Variants in CCDC178 observed in about 807,000 individuals in gnomAD.
CCDC178 encodes the protein coiled-coil domain-containing protein 178.
In CCDC178, 126 loss-of-function variants were observed where a neutral mutation model predicts 117.4. The ratio of observed to expected loss-of-function variants is 1.07; its 90% CI spans 0.93 to 1.24. CCDC178 has a LOEUF of 1.24. Ranked by LOEUF, CCDC178 falls within the 50% of genes most tolerant of loss-of-function variation. CCDC178 has a pLI of 0.00. For missense variants in CCDC178, 1,030 were observed against 986.9 expected (o/e 1.04, Z -0.59); for synonymous variants, 283 against 313.4 (o/e 0.90, Z 1.02).
At chr18:32,980,312 G>A (rs987020072) in intron 21 of CCDC178, among the ~76,000 whole-genome samples, 1 of 151,806 alleles carries the variant, frequency 6.6e-6, no homozygotes, top group Admixed American at 6.6e-5. Flanking sequence ...GGCCGGGCGC[G>A]GTGGCTCACG....
At chr18:33,335,933 T>C (rs777892289) in intron 9 of CCDC178, among the ~76,000 whole-genome samples, 6 of 152,174 alleles carry the variant, frequency 3.9e-5, no homozygotes, top group South Asian at 2.1e-4. Flanking sequence ...TTATCTGAGA[T>C]AAATTTTTCG....
intron 21 of CCDC178, among the ~76,000 whole-genome samples, chr18:33,077,454 T>C (rs2057229613): frequency 6.6e-6 from 1 of 152,082 alleles, no homozygotes; most frequent in Non-Finnish European, 1.5e-5. Context: ...TGTTCCCTAA[T>C]CCAATATGAC....
chr18:33,238,549 G>A (rs1018296876), intron 15 of CCDC178, among the ~76,000 whole-genome samples: 1 of 152,006 alleles, frequency 6.6e-6, no homozygotes, highest in East Asian at 1.9e-4. Flanking sequence ...ACTAGTACAA[G>A]AAGAAGGCAG....
intron 21 of CCDC178, among the ~76,000 whole-genome samples, chr18:32,985,537 C>A (rs1410449140): frequency 6.6e-6 from 1 of 151,902 alleles, no homozygotes; most frequent in East Asian, 1.9e-4. Flanking sequence ...AATTTATAAA[C>A]TCATTTGCTG....
Position 33,225,636 on chromosome 18 carries a change from C to T in CCDC178, c.1657-700G>A, listed in dbSNP as rs997750316. On this transcript the variant is annotated intron_variant, in intron 16 of 22. Transcript: ENST00000383096. ...GTTAGAGAACACACTAATAACACATCGTGGAATATATGCAAGTACTGCAAT... is the reference window on the plus strand; with the variant it reads ...GTTAGAGAACACACTAATAACACATTGTGGAATATATGCAAGTACTGCAAT... Among the ~76,000 whole-genome samples, 6 of 152,220 alleles carry T rather than the reference C, an allele frequency of 3.9e-5. No homozygotes were observed. The East Asian group carries it at 9.7e-4, about 25-fold the overall frequency.
intron 20 of CCDC178, among the ~76,000 whole-genome samples, chr18:33,135,734 C>G (rs1182102840): frequency 1.3e-5 from 2 of 152,140 alleles, no homozygotes; most frequent in Non-Finnish European, 2.9e-5. Flanking sequence ...TTTTAAAAAT[C>G]TGCCTAATTT....
intron 14 of CCDC178, among the ~76,000 whole-genome samples, chr18:33,251,131 A>G (rs1231151637): frequency 6.6e-6 from 1 of 151,666 alleles, no homozygotes; most frequent in East Asian, 1.9e-4. Flanking sequence ...AAGTTTTGCT[A>G]CAAAAAAAAT....
At chr18:33,091,324 C>CTTATTTTTTTTTTTT (rs2057459677) in intron 21 of CCDC178, among the ~76,000 whole-genome samples, 1 of 43,882 alleles carries the variant, frequency 2.3e-5, no homozygotes, top group Non-Finnish European at 4.1e-5. Flanking sequence ...TTATTTCATT[C>CTTATTTTTTTTTTTT]TTTTTTTTTT....
chr18:33,117,872 T>C (rs1027900314), intron 20 of CCDC178, among the ~76,000 whole-genome samples: 20 of 152,182 alleles, frequency 1.3e-4, no homozygotes, highest in Admixed American at 1.0e-3. Context: ...AATTGGGGTA[T>C]TGTAGTTTTC....
intron 16 of CCDC178, among the ~76,000 whole-genome samples, chr18:33,225,398 G>A (rs185761120): frequency 7.2e-5 from 11 of 152,176 alleles, no homozygotes; most frequent in East Asian, 1.9e-4. Flanking sequence ...GACCTCAAGC[G>A]ATCCACCCGC....
In CCDC178 at chr18:32,988,115, TAATAAATTTATCAA is replaced by T. The variant is rs1429138150; in HGVS notation, c.2389-13448_2389-13435del. 3.5e-4 allele frequency among the ~76,000 whole-genome samples: 37 copies of T among 105,948 alleles called. No individual in the cohort carries two copies. In the Admixed American group the frequency reaches 3.7e-3, roughly 10 times the overall value. The allele number at this position is 105,948 out of a possible 152,430, so 69.5% of individuals were successfully genotyped here. A position where few individuals can be genotyped will look rare whatever the true frequency, so the allele number is the denominator to read the frequency against. On this transcript the variant is annotated intron_variant, in intron 21 of 22. Transcript: ENST00000383096. ...ATAATAATAATAATAATAATAATAA[TAATAAATTTATCAA>T]AATTAATCATAAAAAGTTGTTGGCT...
chr18:33,140,134 T>A (rs577109945), intron 20 of CCDC178, among the ~76,000 whole-genome samples: 1 of 152,270 alleles, frequency 6.6e-6, no homozygotes, highest in African/African-American at 2.4e-5. Context: ...TCTGCCTAGA[T>A]TTCAGAGGAT....
At chr18:33,153,418 A>T (rs1007010679) in intron 20 of CCDC178, among the ~76,000 whole-genome samples, 5 of 151,978 alleles carry the variant, frequency 3.3e-5, no homozygotes, top group Non-Finnish European at 7.4e-5. Context: ...CAACAAATAC[A>T]CAGGGAAAGA....
intron 11 of CCDC178, among the ~76,000 whole-genome samples, chr18:33,319,005 C>T (rs2062462093): frequency 6.6e-6 from 1 of 151,988 alleles, no homozygotes; most frequent in African/African-American, 2.4e-5. Context: ...GCTAAAGGAT[C>T]TACTTCAGCC....
At chr18:33,194,954 G>A (rs2058911140) in intron 20 of CCDC178, among the ~76,000 whole-genome samples, 2 of 142,190 alleles carry the variant, frequency 1.4e-5, no homozygotes, top group Non-Finnish European at 3.1e-5. Context: ...GACAGAGAGA[G>A]AGAGAGAGAG....
At chr18:33,180,340 A>AT (rs907134068) in intron 20 of CCDC178, among the ~76,000 whole-genome samples, 3 of 151,864 alleles carry the variant, frequency 2.0e-5, no homozygotes, top group African/African-American at 7.2e-5. Flanking sequence ...ATACTTTTTT[A>AT]TTAACTGGAT....
intron 15 of CCDC178, among the ~76,000 whole-genome samples, chr18:33,240,256 T>C (rs1222747337): frequency 6.6e-6 from 1 of 151,780 alleles, no homozygotes; most frequent in Non-Finnish European, 1.5e-5. Flanking sequence ...GCCAAGTTCA[T>C]AGCACTAAAT....
intron 22 of CCDC178, among the ~76,000 whole-genome samples, chr18:32,960,074 T>C (rs1291465285): frequency 6.6e-6 from 1 of 152,126 alleles, no homozygotes; most frequent in East Asian, 1.9e-4. Context: ...GAATTGAATA[T>C]TGACAAATGT....
At chr18:33,119,136 T>C (rs1233552436) in intron 20 of CCDC178, among the ~76,000 whole-genome samples, 1 of 152,152 alleles carries the variant, frequency 6.6e-6, no homozygotes, top group Admixed American at 6.5e-5. Context: ...GTGCAAGGAC[T>C]TCATGTCTAA....
Sources: allele counts gnomAD v4.1 joint callset (sites outside exome capture counted in the v4.1 genomes callset), GRCh38; gene constraint gnomAD v4.1.1; transcripts MANE v1.5; gene names NCBI Gene and HGNC (gene_info 2026-07-23, HGNC 2026-07-21).